DCAF1: variants seen among roughly 807,000 people sequenced by gnomAD.
DCAF1 encodes DDB1- and CUL4-associated factor 1.
In DCAF1, 15 loss-of-function variants were observed where a neutral mutation model predicts 128.0. The ratio of observed to expected loss-of-function variants is 0.12; its 90% CI spans 0.08 to 0.18. The LOEUF (loss-of-function observed/expected upper bound fraction) is 0.18. Among genes scored for constraint, DCAF1 ranks in the 10% least tolerant of loss-of-function variants. The pLI is 1.00. For synonymous variants in DCAF1, 610 were observed against 603.0 expected (o/e 1.01, Z -0.17); for missense variants, 988 against 1,649.5 (o/e 0.60, Z 6.95).
chr3:51,466,428 T>C (rs1704135540), intron 5 of DCAF1, among the ~76,000 whole-genome samples: 1 of 152,164 alleles, frequency 6.6e-6, no homozygotes, highest in South Asian at 2.1e-4. Context: ...TATTTACTCC[T>C]CACATCCTCC....
chr3:51,427,624 A>G (rs781977636), intron 12 of DCAF1, 83 bp from the exon 13 acceptor site: 34 of 447,806 alleles, frequency 7.6e-5, no homozygotes, highest in Non-Finnish European at 1.1e-4. Flanking sequence ...TCACTGGCCA[A>G]GAGATTTTAT....
chr3:51,498,458 C>T (rs1424549238), intron 1 of DCAF1, among the ~76,000 whole-genome samples: 1 of 151,650 alleles, frequency 6.6e-6, no homozygotes, highest in African/African-American at 2.4e-5. Flanking sequence ...AAAAAACAGG[C>T]CAGGTGTAGT....
chr3:51,412,560 C>T, intron 22 of DCAF1, 80 bp from the exon 23 acceptor site: 1 of 1,592,538 alleles, frequency 6.3e-7, no homozygotes. Context: ...GACTGGTGCC[C>T]ATGACCTTGA....
intron 24 of DCAF1, among the ~76,000 whole-genome samples, chr3:51,402,565 C>CCTT (rs2089788768): frequency 9.0e-5 from 4 of 44,584 alleles, no homozygotes; most frequent in African/African-American, 2.0e-4. Context: ...CCCTACAAAG[C>CCTT]ATTTTTTTTT....
chr3:51,408,788 A>AG (rs1319916954), intron 23 of DCAF1, among the ~76,000 whole-genome samples: 1 of 152,250 alleles, frequency 6.6e-6, no homozygotes, highest in Non-Finnish European at 1.5e-5. Context: ...CAAGGGCTTG[A>AG]GGGGATAAGC....
chr3:51,467,199 GCGGGCGCCTGTAATCCCATCTACT>G (rs1335749239), intron 4 of DCAF1, among the ~76,000 whole-genome samples: 1 of 152,036 alleles, frequency 6.6e-6, no homozygotes, highest in Non-Finnish European at 1.5e-5. Flanking sequence ...AGGTGCAGTG[GCGGGCGCCTGTAATCCCATCTACT>G]CGGGAGGCTG....
intron 2 of DCAF1, among the ~76,000 whole-genome samples, chr3:51,495,636 T>G (rs1395276689): frequency 1.3e-5 from 2 of 152,184 alleles, no homozygotes; most frequent in Non-Finnish European, 2.9e-5. Context: ...CTCACACCTG[T>G]AATCCCAGCA....
At chr3:51,423,902 A>C (rs1699665564) in intron 13 of DCAF1, among the ~76,000 whole-genome samples, 1 of 152,142 alleles carries the variant, frequency 6.6e-6, no homozygotes, top group African/African-American at 2.4e-5. Context: ...AAAATAGCAA[A>C]AGAATGAGAA....
At chr3:51,500,120 A>AGG (rs1559596401), upstream of DCAF1, 1 of 42,096 alleles carries the variant, frequency 2.4e-5, no homozygotes, top group Non-Finnish European at 6.5e-5. Context: ...ATCGGGGAAA[A>AGG]AAAAAAAAAA....
At chr3:51,416,259 C>A (rs1553630350) in intron 18 of DCAF1, among the ~76,000 whole-genome samples, 1 of 152,230 alleles carries the variant, frequency 6.6e-6, no homozygotes, top group East Asian at 1.9e-4. Flanking sequence ...ACCTCCCAAG[C>A]AAGGGCTTTT....
chr3:51,502,996 T>A (rs1047504105), upstream of DCAF1, among the ~76,000 whole-genome samples: 1 of 152,180 alleles, frequency 6.6e-6, no homozygotes, highest in African/African-American at 2.4e-5. Context: ...CTTTCACATC[T>A]AAGCATATGC....
At chr3:51,449,364 C>T (rs1382109647) in intron 6 of DCAF1, among the ~76,000 whole-genome samples, 5 of 152,096 alleles carry the variant, frequency 3.3e-5, no homozygotes, top group Non-Finnish European at 7.4e-5. Flanking sequence ...CACGCCATCA[C>T]GCCTGGCTAA....
intron 5 of DCAF1, among the ~76,000 whole-genome samples, chr3:51,464,369 A>G (rs1299376981): frequency 1.3e-5 from 2 of 152,124 alleles, no homozygotes; most frequent in African/African-American, 4.8e-5. Flanking sequence ...TATAACAGTA[A>G]ATAATTATTG....
chr3:51,440,162 C>T (rs376946562), intron 9 of DCAF1: 5 of 511,596 alleles, frequency 9.8e-6, no homozygotes, highest in Non-Finnish European at 1.9e-5. Flanking sequence ...AGATTAACAC[C>T]TAAGTTTCTG....
intron 23 of DCAF1, among the ~76,000 whole-genome samples, chr3:51,405,229 T>C (rs1415982945): frequency 1.3e-5 from 2 of 152,176 alleles, no homozygotes; most frequent in African/African-American, 4.8e-5. Context: ...GTTAAACTGC[T>C]CAAATAGGCA....
At chr3:51,478,169 A>G (rs1165929801) in intron 3 of DCAF1, among the ~76,000 whole-genome samples, 2 of 151,778 alleles carry the variant, frequency 1.3e-5, no homozygotes, top group Admixed American at 6.6e-5. Flanking sequence ...ACGCCTGGCT[A>G]ATTTTTGTAT....
At chr3:51,400,049 C>T (rs1485136052) in intron 24 of DCAF1, among the ~76,000 whole-genome samples, 1 of 152,174 alleles carries the variant, frequency 6.6e-6, no homozygotes, top group African/African-American at 2.4e-5. Flanking sequence ...CCAAGAAAAG[C>T]ATGGCAATGA....
rs1206563635 is a variant in DCAF1, at chr3:51,443,096, GA to G, written c.513+669del. 8.6e-5 allele frequency among the ~76,000 whole-genome samples: 13 copies of G among 150,912 alleles called. No individual in the cohort carries two copies. In the East Asian group the frequency reaches 1.2e-3, roughly 14 times the overall value. On this transcript the variant is annotated intron_variant, in intron 7 of 24. Coordinates refer to ENST00000684031, the MANE Select transcript of DCAF1 (RefSeq NM_001387579.1). ...AAAATAAAATTTGATGGGGGGGAGG[GA>G]AAAAAAAGGGCAGATGGATGGATAT...
At position 51,479,774 on chromosome 3, in the gene DCAF1, C is replaced by A. The variant is rs187014643; in HGVS notation, c.110+3945G>T. Among the ~76,000 whole-genome samples the A allele has an allele frequency of 3.4e-3, 511 of 152,064 alleles. 2 individuals carry two copies. The highest frequency in any genetic ancestry group is 0.013 in the South Asian group (64 of 4,814). On this transcript the variant is annotated intron_variant, in intron 3 of 24. Coordinates refer to ENST00000684031, the MANE Select transcript of DCAF1 (RefSeq NM_001387579.1). ...TCGCGCCACTGCACTCCAGCCCAGGCAACAGAGCGAGACTCCGTCTCAAAA... is the reference window on the plus strand; with the variant it reads ...TCGCGCCACTGCACTCCAGCCCAGGAAACAGAGCGAGACTCCGTCTCAAAA...
Sources: allele counts gnomAD v4.1 joint callset (sites outside exome capture counted in the v4.1 genomes callset), GRCh38; gene constraint gnomAD v4.1.1; transcripts MANE v1.5; gene names NCBI Gene and HGNC (gene_info 2026-07-23, HGNC 2026-07-21).